The following MYLK variants were observed in gnomAD, a reference collection of about 807,000 sequenced individuals.
MYLK encodes the protein myosin light chain kinase, smooth muscle.
A neutral mutation model predicts 203.4 loss-of-function variants in MYLK; 106 were observed. The observed-to-expected ratio is 0.52, with a 90% CI of 0.45 to 0.61. The LOEUF is 0.61. MYLK is among the 20% of genes least tolerant of loss of function. The pLI, the probability that MYLK is intolerant of heterozygous loss-of-function variation, is 0.00. For missense variants in MYLK, 2,072 were observed against 2,442.3 expected (o/e 0.85, Z 3.20); for synonymous variants, 867 against 959.5 (o/e 0.90, Z 1.78).
chr3:123,758,419 C>T (rs1202240697), intron 4 of MYLK, among the ~76,000 whole-genome samples: 4 of 152,324 alleles, frequency 2.6e-5, no homozygotes, highest in Middle Eastern at 3.4e-3. Context: ...AAAGTGCTTC[C>T]GTGTAAATAA....
At position 123,611,762 on chromosome 3, in the gene MYLK, T is replaced by C; in HGVS notation, c.*2343A>G. On this transcript the variant is annotated 3_prime_UTR_variant, in exon 34 of 34. Coordinates refer to ENST00000360304, the MANE Select transcript of MYLK (RefSeq NM_053025.4). ...AGCTTGTTTTCCTGCAACTAGACTG[T>C]CCCATCTAGGGGTGATGGGAGACAG... 1 of 165,588 alleles carries C rather than the reference T, an allele frequency of 6.0e-6. No individual in the cohort carries two copies. Among genetic ancestry groups the C allele is most frequent in the Non-Finnish European group, 1.3e-5 (1 of 78,994 alleles). 10.3% of individuals were successfully genotyped at this position (165,588 alleles called of 1,614,324 possible). A position where few individuals can be genotyped will look rare whatever the true frequency, so the allele number is the denominator to read the frequency against.
intron 2 of MYLK, among the ~76,000 whole-genome samples, chr3:123,876,318 TAGATTATATC>T (rs1274776201): frequency 3.9e-5 from 6 of 152,176 alleles, no homozygotes; most frequent in African/African-American, 1.4e-4. Flanking sequence ...GTAACTCTGA[TAGATTATATC>T]AGTTATCACA....
intron 13 of MYLK, among the ~76,000 whole-genome samples, chr3:123,720,888 G>A (rs1254188440): frequency 1.3e-5 from 2 of 152,202 alleles, no homozygotes; most frequent in African/African-American, 4.8e-5. Context: ...CTTCCCCTTT[G>A]AGCCAGGGGA....
intron 28 of MYLK, among the ~76,000 whole-genome samples, chr3:123,639,384 T>G (rs1181116571): frequency 6.6e-6 from 1 of 152,194 alleles, no homozygotes; most frequent in East Asian, 1.9e-4. Flanking sequence ...CTGAACATCG[T>G]GGGAGACATT....
intron 3 of MYLK, among the ~76,000 whole-genome samples, chr3:123,801,828 T>C (rs920766345): frequency 4.6e-5 from 7 of 152,356 alleles, no homozygotes; most frequent in Admixed American, 1.3e-4. Context: ...TGCTCCACCA[T>C]TGATAGGCAC....
At chr3:123,824,767 A>C (rs1427186232) in intron 3 of MYLK, among the ~76,000 whole-genome samples, 2 of 152,232 alleles carry the variant, frequency 1.3e-5, no homozygotes, top group Non-Finnish European at 2.9e-5. Context: ...ATAATGAAGC[A>C]TATGTAAATA....
chr3:123,837,319 C>T (rs770972934), intron 2 of MYLK, among the ~76,000 whole-genome samples: 10 of 152,098 alleles, frequency 6.6e-5, no homozygotes, highest in Non-Finnish European at 1.0e-4. Context: ...GTATGAGCCA[C>T]TGTGCCCAGC....
At chr3:123,863,468 T>C (rs1323372847) in intron 2 of MYLK, among the ~76,000 whole-genome samples, 1 of 150,258 alleles carries the variant, frequency 6.7e-6, no homozygotes, top group Non-Finnish European at 1.5e-5. Flanking sequence ...ACGTATCTGA[T>C]AAAGAACTGG....
intron 29 of MYLK, chr3:123,630,829 G>C (rs1014234677): frequency 2.0e-5 from 3 of 152,182 alleles, no homozygotes; most frequent in Admixed American, 6.5e-5. Flanking sequence ...AAATAGAGCA[G>C]ATTTGTGGCT....
chr3:123,864,085 A>G (rs2032139096), intron 2 of MYLK, among the ~76,000 whole-genome samples: 1 of 152,224 alleles, frequency 6.6e-6, no homozygotes, highest in Non-Finnish European at 1.5e-5. Context: ...TGAAAGAAAC[A>G]TTAAGCCAAA....
intron 4 of MYLK, among the ~76,000 whole-genome samples, chr3:123,762,683 G>C (rs2108936670): frequency 6.6e-6 from 1 of 152,298 alleles, no homozygotes; most frequent in Non-Finnish European, 1.5e-5. Context: ...CTTCATGAAG[G>C]GGTTAAGTGC....
chr3:123,712,698 G>A (rs1223101620), intron 13 of MYLK, among the ~76,000 whole-genome samples: 2 of 152,246 alleles, frequency 1.3e-5, no homozygotes, highest in African/African-American at 2.4e-5. Context: ...ACCTGCAGCT[G>A]TGGAGGGGAT....
intron 4 of MYLK, among the ~76,000 whole-genome samples, chr3:123,756,097 T>C (rs2063350637): frequency 2.0e-5 from 3 of 152,172 alleles, no homozygotes; most frequent in African/African-American, 4.8e-5. Flanking sequence ...TGATCTCACA[T>C]GGCAGCTTAA....
intron 3 of MYLK, among the ~76,000 whole-genome samples, chr3:123,800,728 G>A (rs544548624): frequency 6.6e-6 from 1 of 152,156 alleles, no homozygotes; most frequent in African/African-American, 2.4e-5. Context: ...GTGGACATCC[G>A]AATCGGCAAT....
Position 123,666,251 on chromosome 3 carries a change from T to G in MYLK, c.3799A>C (p.Ile1267Leu). 1 of 1,614,218 alleles carries G rather than the reference T, an allele frequency of 6.2e-7. No individual in the cohort carries two copies. Among genetic ancestry groups the G allele is most frequent in the Non-Finnish European group, 8.5e-7 (1 of 1,180,046 alleles). ...LFGKVTGTQP[I>L]TCTWMKFRKQ... is the part of the protein sequence containing the mutation. ...CGGAACTTCATCCAGGTACAGGTGA[T>G]GGGCTGAGTGCCTGTCACTTTGCCA... Residue 1267 changes from isoleucine to leucine, a missense_variant, in exon 22 of 34, where the codon ATC (isoleucine) becomes CTC (leucine). Ile to Leu is a conservative substitution (Grantham distance 5). Transcript: ENST00000360304.
At chr3:123,839,335 A>G (rs974007903) in intron 2 of MYLK, among the ~76,000 whole-genome samples, 1 of 152,238 alleles carries the variant, frequency 6.6e-6, no homozygotes, top group African/African-American at 2.4e-5. Flanking sequence ...ATATAAAGAC[A>G]GAAATGGGTT....
intron 20 of MYLK, among the ~76,000 whole-genome samples, chr3:123,679,313 A>C (rs1576524662): frequency 6.6e-6 from 1 of 151,766 alleles, no homozygotes; most frequent in African/African-American, 2.4e-5. Context: ...CTCAAAAAAA[A>C]AAAAAAAAAC....
At chr3:123,836,402 C>T (rs2066476175) in intron 2 of MYLK, among the ~76,000 whole-genome samples, 1 of 152,174 alleles carries the variant, frequency 6.6e-6, no homozygotes. Flanking sequence ...TTTATACCCA[C>T]TTTTTCTTAA....
At chr3:123,868,585 A>G (rs2032505957) in intron 2 of MYLK, among the ~76,000 whole-genome samples, 1 of 152,162 alleles carries the variant, frequency 6.6e-6, no homozygotes, top group Non-Finnish European at 1.5e-5. Flanking sequence ...AAGGTCATAC[A>G]GTGAGGAAGT....
Sources: gnomAD v4.1 joint callset for allele counts (sites outside exome capture counted in the v4.1 genomes callset) on GRCh38, gnomAD v4.1.1 for gene constraint, MANE v1.5 for transcripts, NCBI Gene and HGNC (gene_info 2026-07-23, HGNC 2026-07-21) for gene names.